Variants in SHISA9 observed in about 807,000 individuals in gnomAD.
SHISA9 encodes shisa family member 9, also known as protein shisa-9.
In SHISA9, 13 loss-of-function variants were observed where a neutral mutation model predicts 38.0. That is an observed-to-expected ratio of 0.34 (90% CI 0.22 to 0.54). The LOEUF is 0.54. Ranked by LOEUF, SHISA9 falls within the 20% of genes least tolerant of loss-of-function variation. SHISA9 has a pLI of 0.91. For missense variants in SHISA9, 538 were observed against 575.8 expected (o/e 0.93, Z 0.67); for synonymous variants, 275 against 242.0 (o/e 1.14, Z -1.27).
intron 3 of SHISA9, among the ~76,000 whole-genome samples, chr16:13,208,296 G>A (rs955543503): frequency 3.9e-5 from 6 of 152,074 alleles, no homozygotes; most frequent in Non-Finnish European, 7.4e-5. Context: ...TTTGAATAAA[G>A]GGTGTTAATG....
chr16:13,234,962 C>T (rs1479843931), intron 4 of SHISA9, 68 bp from the exon 5 acceptor site: 11 of 1,381,254 alleles, frequency 8.0e-6, no homozygotes, highest in Non-Finnish European at 1.1e-5. Context: ...CTCTAACTCT[C>T]TCTCTCTCTC....
chr16:13,290,876 C>T, the SHISA9 span, among the ~76,000 whole-genome samples: 3 of 152,188 alleles, frequency 2.0e-5, no homozygotes, highest in African/African-American at 7.2e-5. Flanking sequence ...CTTATAAACA[C>T]ACAGCAAGTT....
chr16:13,377,822 G>A, the SHISA9 span, among the ~76,000 whole-genome samples: 11 of 152,118 alleles, frequency 7.2e-5, no homozygotes, highest in African/African-American at 2.4e-4. Flanking sequence ...GAGGTCAGGA[G>A]TTCGAGACCA....
the SHISA9 span, among the ~76,000 whole-genome samples, chr16:13,302,171 A>G: frequency 3.3e-5 from 5 of 152,220 alleles, no homozygotes; most frequent in East Asian, 1.9e-4. Flanking sequence ...TTAAAGGGAA[A>G]CTTGGAAAGC....
At chr16:13,173,150 T>TGTGC (rs565357641) in intron 2 of SHISA9, among the ~76,000 whole-genome samples, 5 of 141,810 alleles carry the variant, frequency 3.5e-5, no homozygotes, top group African/African-American at 1.0e-4. Flanking sequence ...GAGATGCACG[T>TGTGC]GCGCACACAC....
chr16:13,260,086 G>A, the SHISA9 span, among the ~76,000 whole-genome samples: 9 of 127,138 alleles, frequency 7.1e-5, no homozygotes, highest in Admixed American at 2.1e-4. Context: ...GCGTGATCTC[G>A]GCTCACTGCA....
At chr16:13,084,688 C>T (rs1411396837) in intron 2 of SHISA9, among the ~76,000 whole-genome samples, 2 of 152,114 alleles carry the variant, frequency 1.3e-5, no homozygotes, top group African/African-American at 4.8e-5. Flanking sequence ...GTTGTGTGAA[C>T]ATATGACTGA....
At chr16:13,095,008 C>G (rs924814518) in intron 2 of SHISA9, among the ~76,000 whole-genome samples, 1 of 152,204 alleles carries the variant, frequency 6.6e-6, no homozygotes, top group Non-Finnish European at 1.5e-5. Context: ...CTCTCCTTCC[C>G]TCTTTAGATG....
At chr16:13,300,206 C>T in the SHISA9 span, among the ~76,000 whole-genome samples, 9 of 152,226 alleles carry the variant, frequency 5.9e-5, no homozygotes, top group Admixed American at 1.3e-4. Flanking sequence ...CTCCCCAGTA[C>T]GCCTGTATTT....
the SHISA9 span, among the ~76,000 whole-genome samples, chr16:13,367,731 C>CACACAT: frequency 1.4e-5 from 2 of 145,782 alleles, no homozygotes; most frequent in Non-Finnish European, 3.1e-5. Flanking sequence ...CACACACACA[C>CACACAT]ACACACACAC....
intron 2 of SHISA9, among the ~76,000 whole-genome samples, chr16:13,023,156 C>T (rs1161473711): frequency 6.6e-6 from 1 of 152,208 alleles, no homozygotes; most frequent in African/African-American, 2.4e-5. Context: ...TCTCCTAATG[C>T]TATCCCTCCC....
chr16:13,319,546 G>C, the SHISA9 span, among the ~76,000 whole-genome samples: 1 of 152,144 alleles, frequency 6.6e-6, no homozygotes, highest in Non-Finnish European at 1.5e-5. Flanking sequence ...GTACCTCCAA[G>C]GCTGTGGCTG....
intron 2 of SHISA9, among the ~76,000 whole-genome samples, chr16:13,109,973 G>A (rs969274770): frequency 6.6e-6 from 1 of 152,152 alleles, no homozygotes; most frequent in African/African-American, 2.4e-5. Flanking sequence ...TCACTTGTGA[G>A]CCTTTTGTGG....
chr16:13,536,522 G>C, the SHISA9 span, among the ~76,000 whole-genome samples: 10 of 152,160 alleles, frequency 6.6e-5, no homozygotes, highest in African/African-American at 1.9e-4. Flanking sequence ...AAACGAATAA[G>C]CCCTAACATA....
At chr16:12,955,159 G>C (rs2071812168) in intron 2 of SHISA9, among the ~76,000 whole-genome samples, 2 of 152,042 alleles carry the variant, frequency 1.3e-5, no homozygotes, top group South Asian at 4.2e-4. Context: ...CTGTGGGATT[G>C]TCTCTGCTGT....
chr16:13,146,333 G>A (rs1254840050), intron 2 of SHISA9, among the ~76,000 whole-genome samples: 1 of 152,212 alleles, frequency 6.6e-6, no homozygotes, highest in East Asian at 1.9e-4. Context: ...AAGCCTATTA[G>A]GAGGAAGTTA....
chr16:12,989,191 G>T (rs2141830641), intron 2 of SHISA9, among the ~76,000 whole-genome samples: 1 of 150,476 alleles, frequency 6.6e-6, no homozygotes, highest in Admixed American at 6.6e-5. Flanking sequence ...ATAGGAATTT[G>T]CTTTGTTTCC....
chr16:13,435,340 T>C, the SHISA9 span, among the ~76,000 whole-genome samples: 1 of 152,082 alleles, frequency 6.6e-6, no homozygotes, highest in African/African-American at 2.4e-5. Context: ...ATCTGAAATG[T>C]GGTTGAAAAG....
At chr16:13,319,094 G>A in the SHISA9 span, among the ~76,000 whole-genome samples, 10 of 152,168 alleles carry the variant, frequency 6.6e-5, no homozygotes, top group East Asian at 1.9e-4. Context: ...TGCAACCACC[G>A]TTTTCCAGGT....
Sources: allele counts gnomAD v4.1 joint callset (sites outside exome capture counted in the v4.1 genomes callset), GRCh38; gene constraint gnomAD v4.1.1; transcripts MANE v1.5; gene names NCBI Gene and HGNC (gene_info 2026-07-23, HGNC 2026-07-21).